Variants in RBM4 observed in about 807,000 individuals in gnomAD.
RBM4 encodes the protein RNA binding motif protein 4.
RBM4 carries 7 observed loss-of-function variants against 29.5 expected under a neutral mutation model. The ratio of observed to expected loss-of-function variants is 0.24; its 90% CI spans 0.14 to 0.45. The LOEUF is 0.45. RBM4 is among the 20% of genes least tolerant of loss of function. The pLI is 1.00. For synonymous variants in RBM4, 220 were observed against 205.4 expected (o/e 1.07, Z -0.61); for missense variants, 387 against 502.3 (o/e 0.77, Z 2.19).
chr11:66,665,944 C>T, exon 3 of RBM4: 1 of 1,533,982 alleles, frequency 6.5e-7, no homozygotes, highest in African/African-American at 1.4e-5. Context: ...TTTTGGAGTC[C>T]AGGAAAAGCA....
intron 2 of RBM4, among the ~76,000 whole-genome samples, chr11:66,661,113 T>C (rs913358749): frequency 2.0e-5 from 3 of 152,216 alleles, no homozygotes; most frequent in Admixed American, 2.0e-4. Flanking sequence ...GCACTTCAGA[T>C]TGAATTCATC....
chr11:66,654,642 C>T (rs1022119885), intron 2 of RBM4, among the ~76,000 whole-genome samples: 23 of 151,260 alleles, frequency 1.5e-4, no homozygotes, highest in Non-Finnish European at 2.8e-4. Flanking sequence ...GCTGGGACTA[C>T]AGGCACGCAC....
intron 2 of RBM4, among the ~76,000 whole-genome samples, chr11:66,658,792 C>T (rs1939012587): frequency 6.6e-6 from 1 of 151,920 alleles, no homozygotes; most frequent in Non-Finnish European, 1.5e-5. Context: ...CAAAACTTAG[C>T]CAGGCGTGGT....
chr11:66,641,216 C>G (rs577955016), intron 2 of RBM4: 2 of 152,284 alleles, frequency 1.3e-5, no homozygotes, highest in East Asian at 3.9e-4. Flanking sequence ...TGACTCCTTG[C>G]TATATTTCAA....
chr11:66,651,614 C>T (rs1472674689), intron 2 of RBM4, among the ~76,000 whole-genome samples: 1 of 152,168 alleles, frequency 6.6e-6, no homozygotes, highest in Non-Finnish European at 1.5e-5. Context: ...TCCCAAAGTG[C>T]TGGGATTACA....
intron 2 of RBM4, chr11:66,641,079 C>G (rs749782517): frequency 7.2e-5 from 11 of 152,172 alleles, no homozygotes; most frequent in Non-Finnish European, 1.5e-4. Context: ...TATCTGAACT[C>G]TTCTTTCACC....
chr11:66,656,144 ATTTT>A (rs899028264), intron 2 of RBM4, among the ~76,000 whole-genome samples: 1 of 136,894 alleles, frequency 7.3e-6, no homozygotes, highest in Non-Finnish European at 1.6e-5. Flanking sequence ...CTAATTTTGT[ATTTT>A]TTTTTTTAGG....
downstream of RBM4, chr11:66,649,906 T>C (rs1009549751): frequency 5.4e-6 from 3 of 557,958 alleles, no homozygotes; most frequent in African/African-American, 5.8e-5. Context: ...GAGTAATGCT[T>C]TAATAAACTG....
downstream of RBM4, among the ~76,000 whole-genome samples, chr11:66,647,937 G>T (rs1161500510): frequency 3.3e-5 from 5 of 152,198 alleles, no homozygotes; most frequent in Admixed American, 2.0e-4. Flanking sequence ...AGTCATGGTG[G>T]CTCACGCCTG....
At chr11:66,662,857 T>C (rs1356507591) in intron 2 of RBM4, among the ~76,000 whole-genome samples, 1 of 152,188 alleles carries the variant, frequency 6.6e-6, no homozygotes, top group African/African-American at 2.4e-5. Context: ...TATTTTCCCT[T>C]TTGTAAAACA....
chr11:66,644,147 G>A lies in RBM4; in HGVS notation c.*8+7G>A. The stretch of plus-strand genomic sequence containing the variant: ...CAGCCTTTTAAAGCTTGAGGTGAGA[G>A]GGGTGGGGTGTTCCCTCTTCTGGTT... On this transcript the variant is annotated splice_region_variant and intron_variant, in intron 3 of 3. Coordinates refer to ENST00000310092, the MANE Select transcript of RBM4 (RefSeq NM_002896.4). The A allele has an allele frequency of 6.2e-7, 1 of 1,601,640 alleles. No individual in the cohort carries two copies. Among genetic ancestry groups the A allele is most frequent in the Non-Finnish European group, 8.5e-7 (1 of 1,172,970 alleles).
chr11:66,646,920 C>G (rs1371093259), downstream of RBM4, among the ~76,000 whole-genome samples: 1 of 152,154 alleles, frequency 6.6e-6, no homozygotes. Flanking sequence ...GCTAACTAGG[C>G]CAGTGACATG....
chr11:66,661,780 G>A (rs537027849), intron 2 of RBM4, among the ~76,000 whole-genome samples: 7 of 152,186 alleles, frequency 4.6e-5, no homozygotes, highest in East Asian at 3.9e-4. Flanking sequence ...CTGTAATCCC[G>A]GCACTTTGGG....
At position 66,643,974 on chromosome 11, in the gene RBM4, C is replaced by G; in HGVS notation, c.937C>G (p.Arg313Gly). Residue 313 changes from arginine (R) to glycine (G), a missense_variant, in exon 3 of 4, where the codon CGC (arginine) becomes GGC (glycine). By Grantham distance (125) the Arg-to-Gly change is moderately radical. Coordinates refer to ENST00000310092, the MANE Select transcript of RBM4 (RefSeq NM_002896.4). The surrounding 1 kb of genome is among the most constrained non-coding windows in gnomAD (Gnocchi z 6.1). ...CGGGCGGGATCGGAGCCCCCTGCGTCGCGCTACAGCCCCAGTCCCCACTGT... is the reference window on the plus strand; with the variant it reads ...CGGGCGGGATCGGAGCCCCCTGCGTGGCGCTACAGCCCCAGTCCCCACTGT... ...YYGRDRSPLR[R>G]ATAPVPTVGE... 1 of 1,613,054 alleles carries G rather than the reference C, an allele frequency of 6.2e-7. No homozygotes were observed. The highest frequency in any genetic ancestry group is 8.5e-7 in the Non-Finnish European group (1 of 1,180,022).
intron 2 of RBM4, among the ~76,000 whole-genome samples, chr11:66,663,676 G>GT (rs1939128405): frequency 6.6e-6 from 1 of 151,450 alleles, no homozygotes; most frequent in Non-Finnish European, 1.5e-5. Flanking sequence ...GAGAGGGGTG[G>GT]TAACTAGGCA....
chr11:66,657,108 C>CTT (rs748071140), intron 2 of RBM4, among the ~76,000 whole-genome samples: 3,843 of 93,364 alleles, frequency 0.041, 189 homozygotes, highest in African/African-American at 0.049. Flanking sequence ...ATTTTTTAGT[C>CTT]TTTTTTTTTT....
chr11:66,657,550 G>A (rs1187329886), intron 2 of RBM4, among the ~76,000 whole-genome samples: 1 of 151,766 alleles, frequency 6.6e-6, no homozygotes, highest in Non-Finnish European at 1.5e-5. Flanking sequence ...AGTTGTCGTG[G>A]TGCGCACCTG....
chr11:66,660,543 T>G (rs1017046603), intron 2 of RBM4, among the ~76,000 whole-genome samples: 1 of 152,002 alleles, frequency 6.6e-6, no homozygotes, highest in African/African-American at 2.4e-5. Context: ...GGTTTCGCCA[T>G]GTTGTCCTGG....
At chr11:66,650,262 GT>G (rs1184568550), downstream of RBM4, among the ~76,000 whole-genome samples, 1 of 152,188 alleles carries the variant, frequency 6.6e-6, no homozygotes, top group East Asian at 1.9e-4. Flanking sequence ...TGTTAACCCT[GT>G]TAACTTTGCC....
Sources: allele counts gnomAD v4.1 joint callset (sites outside exome capture counted in the v4.1 genomes callset), GRCh38; gene constraint gnomAD v4.1.1; non-coding constraint Gnocchi (gnomAD v3.1); transcripts MANE v1.5; gene names NCBI Gene and HGNC (gene_info 2026-07-23, HGNC 2026-07-21).